Variants in DUSP12 observed in about 807,000 individuals in gnomAD.
DUSP12 encodes the protein dual specificity phosphatase 12.
DUSP12 carries 25 observed loss-of-function variants against 38.9 expected under a neutral mutation model. That is an observed-to-expected ratio of 0.64 (90% confidence interval 0.47 to 0.90). The LOEUF (loss-of-function observed/expected upper bound fraction) is 0.90. DUSP12 is among the 40% of genes least tolerant of loss of function. DUSP12 has a pLI of 0.00. For missense variants in DUSP12, 403 were observed against 427.0 expected, an observed-to-expected ratio of 0.94 and a Z score of 0.50; for synonymous variants, 153 against 153.9, an observed-to-expected ratio of 0.99 and a Z score of 0.05.
rs777195947 is a variant in DUSP12 at position 161,751,823 on chromosome 1, T to C, written c.458+42T>C. 1.7e-5 allele frequency: 27 copies of C among 1,600,734 alleles called. 1 individual carries two copies. The highest frequency in any genetic ancestry group is 7.0e-5 in the Admixed American group (4 of 57,384). On this transcript the variant is annotated intron_variant, in intron 2 of 5. Coordinates refer to ENST00000367943, the MANE Select transcript of DUSP12 (RefSeq NM_007240.3). ...TAGTAATAATTATGCTTTTGTGATA[T>C]AATTTTAAGAAAATGAAACTTTATA...
intron 5 of DUSP12, among the ~76,000 whole-genome samples, chr1:161,754,987 C>T (rs879684348): frequency 1.4e-4 from 21 of 152,076 alleles, no homozygotes; most frequent in East Asian, 1.9e-4. Context: ...TGCGCCACCA[C>T]GCCTGGCTAA....
intron 5 of DUSP12, among the ~76,000 whole-genome samples, chr1:161,755,477 G>A (rs997791136): frequency 4.6e-5 from 7 of 152,200 alleles, no homozygotes; most frequent in South Asian, 2.1e-4. Context: ...GCATGTACCC[G>A]TTACTCCATA....
At chr1:161,752,523 A>G (rs1360521348) in intron 4 of DUSP12, 59 bp downstream of exon 4, 4 of 1,147,070 alleles carry the variant, frequency 3.5e-6, no homozygotes, top group Non-Finnish European at 5.0e-6. Flanking sequence ...AAAAGTACTT[A>G]ATGTTTTATT....
chr1:161,752,999 A>AAAG (rs2101695023), intron 4 of DUSP12, 76 bp from the exon 5 acceptor site: 1 of 1,449,622 alleles, frequency 6.9e-7, no homozygotes, highest in Non-Finnish European at 9.3e-7. Flanking sequence ...CAAAAAAAAA[A>AAAG]GAAATACCGC....
intron 5 of DUSP12, among the ~76,000 whole-genome samples, chr1:161,753,786 C>A (rs1007753270): frequency 6.6e-6 from 1 of 152,072 alleles, no homozygotes; most frequent in Non-Finnish European, 1.5e-5. Context: ...TAGGGTAAAT[C>A]AGGGATTTTA....
At chr1:161,753,032 C>A in intron 4 of DUSP12, 43 bp from the exon 5 acceptor site, 1 of 1,525,760 alleles carries the variant, frequency 6.6e-7, no homozygotes, top group South Asian at 1.3e-5. Flanking sequence ...TGTTTTCATC[C>A]TTTTGGAAGT....
At chr1:161,755,839 G>A (rs1684098580) in intron 5 of DUSP12, among the ~76,000 whole-genome samples, 1 of 152,038 alleles carries the variant, frequency 6.6e-6, no homozygotes. Flanking sequence ...AAATTTGTTA[G>A]TTTTTTTATT....
At chr1:161,755,258 C>T (rs1490603468) in intron 5 of DUSP12, among the ~76,000 whole-genome samples, 1 of 151,808 alleles carries the variant, frequency 6.6e-6, no homozygotes, top group South Asian at 2.1e-4. Flanking sequence ...ACCTGGGAAA[C>T]ACACACACAC....
At chr1:161,751,551 T>C (rs1684018522) in intron 1 of DUSP12, 117 bp from the exon 2 acceptor site, 4 of 1,321,012 alleles carry the variant, frequency 3.0e-6, no homozygotes, top group Admixed American at 2.4e-5. Flanking sequence ...ATGGGCTTAT[T>C]TGAGAAGCAA....
In DUSP12 at chr1:161,756,997, C is replaced by T; in HGVS notation, c.*50C>T. The T allele has an allele frequency of 6.5e-7, 1 of 1,527,552 alleles. No homozygotes were observed. Among genetic ancestry groups the T allele is most frequent in the East Asian group, 2.3e-5 (1 of 43,832 alleles). 94.6% of individuals were successfully genotyped at this position (1,527,552 alleles called of 1,614,324 possible). A position where few individuals can be genotyped will look rare whatever the true frequency, so the allele number is the denominator to read the frequency against. The stretch of plus-strand genomic sequence containing the variant: ...GAAACTTGCAGATGATATGTGCTGC[C>T]TTTGCTTCTTATCATTCATGGCAGA... On this transcript the variant is annotated 3_prime_UTR_variant, in exon 6 of 6. Transcript: ENST00000367943.
intron 5 of DUSP12, among the ~76,000 whole-genome samples, chr1:161,753,685 C>G (rs900469193): frequency 3.5e-5 from 5 of 141,608 alleles, no homozygotes; most frequent in African/African-American, 1.0e-4. Context: ...TATAGTGAGA[C>G]CTCATCTCTA....
intron 5 of DUSP12, among the ~76,000 whole-genome samples, chr1:161,754,705 G>C (rs1295815808): frequency 6.6e-6 from 1 of 152,188 alleles, no homozygotes; most frequent in African/African-American, 2.4e-5. Context: ...AGAACAGCAT[G>C]GGGGTATCTG....
In DUSP12 at chr1:161,749,910, G is replaced by T; in HGVS notation, c.109G>T (p.Gly37Cys). ...GGAAGTGCAGCCAGGATTGTATTTC[G>T]GTGGGGCCGCGGCCGTCGCGGAGCC... Reference protein sequence around the residue: ...MLEVQPGLYFGGAAAVAEPDH... With the variant: ...MLEVQPGLYFCGAAAVAEPDH... Residue 37 changes from glycine (G) to cysteine (C), a missense_variant, in exon 1 of 6, where the codon GGT becomes TGT. Gly to Cys is a radical substitution (Grantham distance 159). Transcript: ENST00000367943. 6.2e-7 allele frequency: 1 copy of T among 1,613,712 alleles called. No homozygotes were observed. Among genetic ancestry groups the T allele is most frequent in the East Asian group, 2.2e-5 (1 of 44,874 alleles).
intron 1 of DUSP12, among the ~76,000 whole-genome samples, chr1:161,750,576 G>A (rs980397697): frequency 6.6e-6 from 1 of 152,186 alleles, no homozygotes; most frequent in Non-Finnish European, 1.5e-5. Flanking sequence ...TTGATGAAGA[G>A]ATGAATTGGT....
intron 5 of DUSP12, among the ~76,000 whole-genome samples, chr1:161,755,129 T>C (rs1345837959): frequency 1.3e-5 from 2 of 152,152 alleles, no homozygotes; most frequent in African/African-American, 4.8e-5. Context: ...CATGCCCAGC[T>C]GCAATTCCCA....
chr1:161,755,129 T>G (rs1345837959), intron 5 of DUSP12, among the ~76,000 whole-genome samples: 1 of 152,152 alleles, frequency 6.6e-6, no homozygotes, highest in Non-Finnish European at 1.5e-5. Flanking sequence ...CATGCCCAGC[T>G]GCAATTCCCA....
At chr1:161,750,587 T>G (rs990204957) in intron 1 of DUSP12, among the ~76,000 whole-genome samples, 2 of 152,182 alleles carry the variant, frequency 1.3e-5, no homozygotes, top group African/African-American at 4.8e-5. Context: ...ATGAATTGGT[T>G]TGGATCTAAA....
intron 5 of DUSP12, among the ~76,000 whole-genome samples, chr1:161,756,262 ATAAC>A (rs1373833303): frequency 2.0e-5 from 3 of 152,160 alleles, no homozygotes; most frequent in African/African-American, 2.4e-5. Flanking sequence ...AATTAATGCT[ATAAC>A]TAACTACATT....
intron 1 of DUSP12, among the ~76,000 whole-genome samples, chr1:161,750,786 G>A (rs755219031): frequency 8.5e-5 from 13 of 152,244 alleles, no homozygotes; most frequent in Middle Eastern, 3.4e-3. Context: ...TTAGCCGGGC[G>A]TGGTGGCTCT....
Sources: allele counts gnomAD v4.1 joint callset (sites outside exome capture counted in the v4.1 genomes callset), GRCh38; gene constraint gnomAD v4.1.1; transcripts MANE v1.5; gene names NCBI Gene and HGNC (gene_info 2026-07-23, HGNC 2026-07-21).